KIAA1549: variants seen among roughly 807,000 people sequenced by gnomAD.
KIAA1549 encodes KIAA1549, also known as UPF0606 protein KIAA1549.
KIAA1549 carries 70 observed loss-of-function variants against 156.4 expected under a neutral mutation model. The observed-to-expected ratio is 0.45, with a 90% CI of 0.37 to 0.55. KIAA1549 has a LOEUF of 0.55. Ranked by LOEUF, KIAA1549 falls within the 20% of genes least tolerant of loss-of-function variation. KIAA1549 has a pLI of 0.00. For missense variants in KIAA1549, 2,428 were observed against 2,540.9 expected (o/e 0.96, Z 0.96); for synonymous variants, 1,103 against 1,066.4 (o/e 1.03, Z -0.67).
At position 138,834,341 on chromosome 7, in the gene KIAA1549, GT is replaced by G; in HGVS notation, c.*3564del. 1 of 188,846 alleles carries G rather than the reference GT, an allele frequency of 5.3e-6. No individual in the cohort carries two copies. Among genetic ancestry groups the G allele is most frequent in the Non-Finnish European group, 1.1e-5 (1 of 89,728 alleles). The allele number at this position is 188,846 out of a possible 1,614,324, so 11.7% of individuals were successfully genotyped here. On this transcript the variant is annotated 3_prime_UTR_variant, in exon 20 of 20. Coordinates refer to ENST00000422774, the MANE Select transcript of KIAA1549 (RefSeq NM_001164665.2). ...TTTTGTATTTTTTTGTAGAGACGGG[GT>G]TTTGCCATGTTGCCTGGGCTGGTTT... is the stretch of plus-strand genomic sequence containing the variant.
intron 1 of KIAA1549, among the ~76,000 whole-genome samples, chr7:138,953,424 A>G (rs1813555191): frequency 6.6e-6 from 1 of 152,212 alleles, no homozygotes; most frequent in African/African-American, 2.4e-5. Context: ...AAGCACAATA[A>G]TAATAGGAAA....
At chr7:138,941,973 T>TA (rs1813196063) in intron 1 of KIAA1549, among the ~76,000 whole-genome samples, 4 of 152,098 alleles carry the variant, frequency 2.6e-5, no homozygotes, top group Non-Finnish European at 5.9e-5. Flanking sequence ...TATGTATATT[T>TA]TACCACATTA....
chr7:138,839,778 C>CTTTTTTTTT lies in KIAA1549; in HGVS notation c.5598+346_5598+354dup, dbSNP rs763327649. Among the ~76,000 whole-genome samples the CTTTTTTTTT allele has an allele frequency of 8.0e-4, 49 of 61,362 alleles. 7 individuals carry two copies. Among genetic ancestry groups the CTTTTTTTTT allele is most frequent in the African/African-American group, 2.5e-3 (39 of 15,446 alleles). 40.3% of individuals were successfully genotyped at this position (61,362 alleles called of 152,430 possible). On this transcript the variant is annotated intron_variant, in intron 19 of 19. Transcript: ENST00000422774. The stretch of plus-strand genomic sequence containing the variant: ...AAGCTGCTAAATTGAGGGATTATGT[C>CTTTTTTTTT]TTTTTTTTTTTTTTTTTTTTTTTTT...
intron 6 of KIAA1549, 50 bp from the exon 7 acceptor site, chr7:138,905,131 A>G: frequency 7.9e-7 from 1 of 1,273,414 alleles, no homozygotes; most frequent in Non-Finnish European, 1.1e-6. Context: ...GTAAAAACAA[A>G]GCCATGTTTA....
chr7:138,963,726 A>G (rs1813925333), intron 1 of KIAA1549, among the ~76,000 whole-genome samples: 1 of 152,232 alleles, frequency 6.6e-6, no homozygotes, highest in Non-Finnish European at 1.5e-5. Context: ...TCCTCCCACC[A>G]AAATTCCAAA....
At chr7:138,859,696 G>A (rs1361648249) in intron 16 of KIAA1549, among the ~76,000 whole-genome samples, 1 of 152,134 alleles carries the variant, frequency 6.6e-6, no homozygotes, top group African/African-American at 2.4e-5. Flanking sequence ...GGCAACTGGA[G>A]GACTCAGTTC....
intron 1 of KIAA1549, among the ~76,000 whole-genome samples, chr7:138,949,929 A>T (rs938437930): frequency 6.6e-6 from 1 of 152,236 alleles, no homozygotes; most frequent in Non-Finnish European, 1.5e-5. Context: ...AAGCCCCACA[A>T]TCTTCCTAGT....
intron 1 of KIAA1549, among the ~76,000 whole-genome samples, chr7:138,932,027 G>A (rs1353041707): frequency 6.6e-6 from 1 of 152,102 alleles, no homozygotes; most frequent in Non-Finnish European, 1.5e-5. Flanking sequence ...AGACAAGAGT[G>A]TCCCAACCCA....
intron 1 of KIAA1549, among the ~76,000 whole-genome samples, chr7:138,962,197 A>T (rs1813874711): frequency 6.6e-6 from 1 of 152,252 alleles, no homozygotes; most frequent in Admixed American, 6.5e-5. Flanking sequence ...GCCTGACATA[A>T]GTGCACATTC....
At chr7:138,898,087 T>C (rs1281393144) in intron 9 of KIAA1549, among the ~76,000 whole-genome samples, 1 of 150,770 alleles carries the variant, frequency 6.6e-6, no homozygotes, top group East Asian at 2.0e-4. Flanking sequence ...GGCAGGCAGA[T>C]CACAAGGTCA....
In KIAA1549 at chr7:138,917,671, G is replaced by A. The variant is rs2774960; in HGVS notation, c.1955C>T (p.Pro652Leu). The A allele has an allele frequency of 0.33, 533,735 of 1,610,298 alleles. 93,769 individuals are homozygous for A. The highest frequency in any genetic ancestry group is 0.67 in the African/African-American group (49,837 of 74,848). ...AGATGTGAAGGGGGACAAGTCACTC[G>A]GCATCAGAGACAGAGACGCAGGTGC... ...SEAPASLSLM[P>L]SDLSPFTSQS... Residue 652 changes from proline to leucine, a missense_variant, in exon 2 of 20, where the codon CCG becomes CTG. Pro to Leu is a moderately conservative substitution (Grantham distance 98). Coordinates refer to ENST00000422774, the MANE Select transcript of KIAA1549 (RefSeq NM_001164665.2).
intron 1 of KIAA1549, among the ~76,000 whole-genome samples, chr7:138,939,861 T>A (rs1318371974): frequency 6.6e-6 from 1 of 152,130 alleles, no homozygotes; most frequent in East Asian, 1.9e-4. Flanking sequence ...ATTAAAGATA[T>A]TCCAGCCGGG....
chr7:138,964,845 C>T (rs1363836662), intron 1 of KIAA1549, among the ~76,000 whole-genome samples: 1 of 152,194 alleles, frequency 6.6e-6, no homozygotes, highest in Non-Finnish European at 1.5e-5. Flanking sequence ...TTAATATGTG[C>T]ATACTGCCTA....
chr7:138,974,498 T>C (rs970354617), intron 1 of KIAA1549, among the ~76,000 whole-genome samples: 4 of 152,112 alleles, frequency 2.6e-5, no homozygotes, highest in African/African-American at 9.7e-5. Flanking sequence ...AGTGGCGCGA[T>C]CTCAGCTCAC....
intron 8 of KIAA1549, among the ~76,000 whole-genome samples, chr7:138,902,836 C>A (rs1811879739): frequency 6.6e-6 from 1 of 151,734 alleles, no homozygotes; most frequent in Non-Finnish European, 1.5e-5. Flanking sequence ...GAAAAAAGCT[C>A]AAGTGAAGAG....
chr7:138,850,316 A>C (rs911991882), intron 17 of KIAA1549, among the ~76,000 whole-genome samples: 1 of 152,028 alleles, frequency 6.6e-6, no homozygotes, highest in Non-Finnish European at 1.5e-5. Context: ...TGACACTCTC[A>C]CCAACAAGCA....
intron 17 of KIAA1549, among the ~76,000 whole-genome samples, chr7:138,848,539 C>G (rs572734269): frequency 6.6e-5 from 10 of 152,248 alleles, no homozygotes; most frequent in Admixed American, 2.6e-4. Flanking sequence ...ATATGAGATC[C>G]TTTTGTGTCT....
chr7:138,856,586 T>C (rs953554951), intron 16 of KIAA1549, among the ~76,000 whole-genome samples: 6 of 152,166 alleles, frequency 3.9e-5, no homozygotes, highest in African/African-American at 1.4e-4. Flanking sequence ...GCTTACCTAA[T>C]TATGTCTCCA....
At chr7:138,913,939 GGGAGGAGGGAGACAGGAA>G (rs1172691186) in intron 2 of KIAA1549, among the ~76,000 whole-genome samples, 2 of 151,370 alleles carry the variant, frequency 1.3e-5, no homozygotes, top group Non-Finnish European at 2.9e-5. Context: ...GGAGACAGGA[GGGAGGAGGGAGACAGGAA>G]GGAGGAGGGG....
Sources: allele counts gnomAD v4.1 joint callset (sites outside exome capture counted in the v4.1 genomes callset), GRCh38; gene constraint gnomAD v4.1.1; transcripts MANE v1.5; gene names NCBI Gene and HGNC (gene_info 2026-07-23, HGNC 2026-07-21).